Variants in NCK1 observed in about 807,000 individuals in gnomAD.
NCK1 encodes the protein NCK adaptor protein 1.
NCK1 carries 19 observed loss-of-function variants against 36.6 expected under a neutral mutation model. The ratio of observed to expected loss-of-function variants is 0.52; its 90% CI spans 0.36 to 0.76. The LOEUF (loss-of-function observed/expected upper bound fraction) is 0.76, where lower values mean the gene tolerates loss of function less well. Ranked by LOEUF, NCK1 falls within the 30% of genes least tolerant of loss-of-function variation. The pLI is 0.00. For synonymous variants in NCK1, 165 were observed against 156.0 expected (o/e 1.06, Z -0.43); for missense variants, 358 against 445.6 (o/e 0.80, Z 1.77).
intron 2 of NCK1, among the ~76,000 whole-genome samples, chr3:136,937,372 A>C (rs1417074596): frequency 6.6e-6 from 1 of 152,106 alleles, no homozygotes; most frequent in African/African-American, 2.4e-5. Context: ...GTGGCTTTGT[A>C]GTAAGTTTTG....
chr3:136,882,159 AAT>A (rs1491309641), intron 1 of NCK1, among the ~76,000 whole-genome samples: 1 of 151,906 alleles, frequency 6.6e-6, no homozygotes, highest in African/African-American at 2.4e-5. Flanking sequence ...TAAGAGTTCC[AAT>A]ATCATTACAT....
intron 1 of NCK1, among the ~76,000 whole-genome samples, chr3:136,897,745 A>G (rs1313613850): frequency 6.6e-6 from 1 of 152,200 alleles, no homozygotes; most frequent in African/African-American, 2.4e-5. Flanking sequence ...TCACGTTAAC[A>G]TAGATGTTCC....
At chr3:136,871,594 A>G (rs904621368) in intron 1 of NCK1, among the ~76,000 whole-genome samples, 2 of 152,100 alleles carry the variant, frequency 1.3e-5, no homozygotes, top group African/African-American at 2.4e-5. Flanking sequence ...TCCCTCTCAA[A>G]GGTAATCACT....
At chr3:136,902,229 G>A (rs1230533344) in intron 1 of NCK1, among the ~76,000 whole-genome samples, 3 of 89,278 alleles carry the variant, frequency 3.4e-5, no homozygotes, top group African/African-American at 8.3e-5. Flanking sequence ...ACAGAGTTTT[G>A]CTTAGTCACC....
intron 1 of NCK1, among the ~76,000 whole-genome samples, chr3:136,862,749 A>T (rs1938272484): frequency 6.6e-6 from 1 of 152,200 alleles, no homozygotes; most frequent in Non-Finnish European, 1.5e-5. Flanking sequence ...CGAGGCCGGG[A>T]AGGTAGGGAC....
At chr3:136,941,220 G>T (rs1940666368) in intron 2 of NCK1, among the ~76,000 whole-genome samples, 1 of 150,366 alleles carries the variant, frequency 6.7e-6, no homozygotes, top group Non-Finnish European at 1.5e-5. Flanking sequence ...CTGCCTCCCA[G>T]GTTCAAGCGA....
intron 1 of NCK1, among the ~76,000 whole-genome samples, chr3:136,908,704 C>T (rs1939752905): frequency 6.6e-6 from 1 of 152,136 alleles, no homozygotes. Context: ...ACTGTGGTTG[C>T]CATGTCCCTT....
chr3:136,927,803 G>A (rs1940282682), intron 1 of NCK1, among the ~76,000 whole-genome samples, 181 bp from the exon 2 acceptor site: 1 of 152,212 alleles, frequency 6.6e-6, no homozygotes, highest in Admixed American at 6.5e-5. Context: ...ACAGGCATGA[G>A]CCACTGCGCA....
intron 1 of NCK1, among the ~76,000 whole-genome samples, chr3:136,871,233 A>G (rs368078170): frequency 6.6e-6 from 1 of 151,884 alleles, no homozygotes; most frequent in East Asian, 1.9e-4. Context: ...CGGCCTTTAC[A>G]AAAGTAAAAA....
chr3:136,899,649 T>G, intron 1 of NCK1: 1 of 712,606 alleles, frequency 1.4e-6, no homozygotes, highest in Non-Finnish European at 2.6e-6. Flanking sequence ...ACCATTGTCT[T>G]TCTTAGTAAT....
chr3:136,934,840 C>T (rs1576987534), intron 2 of NCK1, among the ~76,000 whole-genome samples: 1 of 152,232 alleles, frequency 6.6e-6, no homozygotes, highest in East Asian at 1.9e-4. Flanking sequence ...GAATTGGAGT[C>T]GGTTAAGCAA....
intron 1 of NCK1, among the ~76,000 whole-genome samples, chr3:136,917,600 A>G (rs1940001935): frequency 6.6e-6 from 1 of 152,234 alleles, no homozygotes. Context: ...AATAAAGGAT[A>G]GTTCATATCT....
At chr3:136,872,189 A>G (rs906011193) in intron 1 of NCK1, among the ~76,000 whole-genome samples, 1 of 152,202 alleles carries the variant, frequency 6.6e-6, no homozygotes, top group Non-Finnish European at 1.5e-5. Context: ...TTGTTGAATG[A>G]CTTTGCCCAA....
intron 2 of NCK1, among the ~76,000 whole-genome samples, chr3:136,938,615 A>G (rs1244236956): frequency 6.6e-6 from 1 of 152,210 alleles, no homozygotes; most frequent in Non-Finnish European, 1.5e-5. Context: ...GTTCATAAAC[A>G]CAAGAAAGCT....
In NCK1 at chr3:136,939,012, C is replaced by G. The variant is rs115872662; in HGVS notation, c.227-6571C>G. Among the ~76,000 whole-genome samples the G allele has an allele frequency of 2.8e-3, 419 of 152,230 alleles. 4 individuals are homozygous for G. The highest frequency in any genetic ancestry group is 9.8e-3 in the African/African-American group (407 of 41,560). On this transcript the variant is annotated intron_variant, in intron 2 of 3. Coordinates refer to ENST00000481752, the MANE Select transcript of NCK1 (RefSeq NM_001291999.2). Reference sequence around the variant, plus strand: ...CTCATAGAATGAGTTAATAAGTATTCTCTCCTTTTTTCTTTTTAGAGATGT... The same window carrying G: ...CTCATAGAATGAGTTAATAAGTATTGTCTCCTTTTTTCTTTTTAGAGATGT...
In NCK1 at chr3:136,892,170, G is replaced by T. The variant is rs191225453; in HGVS notation, c.-19+29817G>T. Among the ~76,000 whole-genome samples the T allele has an allele frequency of 3.5e-3, 527 of 152,268 alleles. 6 individuals are homozygous for T. The highest frequency in any genetic ancestry group is 5.1e-3 in the Non-Finnish European group (346 of 68,008). ...CCCAAAGTGTTGGGATTATAGGTGT[G>T]AGTCACCACACCCAGCTGGATTTTG... On this transcript the variant is annotated intron_variant, in intron 1 of 3. Coordinates refer to ENST00000481752, the MANE Select transcript of NCK1 (RefSeq NM_001291999.2).
chr3:136,884,235 T>C (rs1175207390), intron 1 of NCK1, among the ~76,000 whole-genome samples: 1 of 152,062 alleles, frequency 6.6e-6, no homozygotes, highest in African/African-American at 2.4e-5. Flanking sequence ...ACCAATTTAA[T>C]ATAGGGGTAA....
At position 136,948,438 on chromosome 3, in the gene NCK1, C is replaced by CA. The variant is rs1452816301; in HGVS notation, c.1121dup (p.His375AlafsTer24). 6.2e-7 allele frequency: 1 copy of CA among 1,611,686 alleles called. No individual in the cohort carries two copies. ...AACAAGGAGAAAAATTATATCTTGT[C>CA]AAGCATTTATCATGATACTGCTGAC... On this transcript the variant is annotated frameshift_variant, in exon 4 of 4. Transcript: ENST00000481752. LOFTEE classifies it high-confidence loss of function.
At chr3:136,866,208 T>C (rs1394161847) in intron 1 of NCK1, among the ~76,000 whole-genome samples, 1 of 152,218 alleles carries the variant, frequency 6.6e-6, no homozygotes, top group African/African-American at 2.4e-5. Context: ...GTGCCAGCAC[T>C]ATTTCTTTAT....
Sources: gnomAD v4.1 joint callset for allele counts (sites outside exome capture counted in the v4.1 genomes callset) on GRCh38, gnomAD v4.1.1 for gene constraint, MANE v1.5 for transcripts, NCBI Gene and HGNC (gene_info 2026-07-23, HGNC 2026-07-21) for gene names.